The following UXS1 variants were observed in gnomAD, a reference collection of about 807,000 sequenced individuals.
UXS1 encodes UDP-glucuronate decarboxylase 1.
A neutral mutation model predicts 62.6 loss-of-function variants in UXS1; 33 were observed. The ratio of observed to expected loss-of-function variants is 0.53; its 90% CI spans 0.40 to 0.70. The LOEUF (loss-of-function observed/expected upper bound fraction) is 0.70. Ranked by LOEUF, UXS1 falls within the 30% of genes least tolerant of loss-of-function variation. UXS1 has a pLI of 0.00. For missense variants in UXS1, 434 were observed against 556.3 expected (o/e 0.78, Z 2.21); for synonymous variants, 213 against 206.8 (o/e 1.03, Z -0.26).
At chr2:106,112,194 G>C (rs1678676537) in intron 10 of UXS1, among the ~76,000 whole-genome samples, 1 of 152,220 alleles carries the variant, frequency 6.6e-6, no homozygotes, top group Non-Finnish European at 1.5e-5. Flanking sequence ...CCTGGGTTGA[G>C]GGTGGCCAGT....
chr2:106,130,880 A>G (rs1457161420), intron 6 of UXS1, among the ~76,000 whole-genome samples: 1 of 152,022 alleles, frequency 6.6e-6, no homozygotes. Flanking sequence ...TAACATTTGA[A>G]AGCCAAGTCT....
In UXS1 at chr2:106,117,067, G is replaced by A. The variant is rs114348515; in HGVS notation, c.760-4302C>T. Among the ~76,000 whole-genome samples, 159 of 152,316 alleles carry A rather than the reference G, an allele frequency of 1.0e-3. 1 individual carries two copies. The highest frequency in any genetic ancestry group is 3.5e-3 in the African/African-American group (145 of 41,546). On this transcript the variant is annotated intron_variant, in intron 9 of 14. Coordinates refer to ENST00000283148, the MANE Select transcript of UXS1 (RefSeq NM_001253875.2). The stretch of plus-strand genomic sequence containing the variant: ...AGCTGGCATGTTCTCCTCTCCCCAC[G>A]TCTGTGTGGGTTTTCTCCAGGTATT...
intron 1 of UXS1, among the ~76,000 whole-genome samples, chr2:106,183,007 A>G (rs1284638068): frequency 6.6e-6 from 1 of 152,082 alleles, no homozygotes; most frequent in African/African-American, 2.4e-5. Context: ...AGCAAAAGAA[A>G]CCAAAAGAAA....
At chr2:106,145,004 A>C (rs991991166) in intron 6 of UXS1, among the ~76,000 whole-genome samples, 186 bp downstream of exon 6, 3 of 152,136 alleles carry the variant, frequency 2.0e-5, no homozygotes, top group Non-Finnish European at 4.4e-5. Flanking sequence ...GGCTATTCAC[A>C]CTGTTATAAC....
At chr2:106,108,878 G>A (rs1430919764) in intron 10 of UXS1, among the ~76,000 whole-genome samples, 1 of 152,110 alleles carries the variant, frequency 6.6e-6, no homozygotes, top group South Asian at 2.1e-4. Context: ...GCCCATTTGT[G>A]CACTTCCTTG....
intron 6 of UXS1, among the ~76,000 whole-genome samples, chr2:106,130,953 G>A (rs1028657524): frequency 9.9e-5 from 15 of 152,264 alleles, no homozygotes; most frequent in Admixed American, 4.6e-4. Flanking sequence ...CAGCGTGAGC[G>A]ACGCAGAAGA....
intron 1 of UXS1, among the ~76,000 whole-genome samples, chr2:106,167,883 C>T (rs866676334): frequency 1.3e-5 from 2 of 152,070 alleles, no homozygotes; most frequent in South Asian, 2.1e-4. Context: ...GGTCATGGGC[C>T]GGGCACTGTG....
chr2:106,172,407 C>G (rs1683621914), intron 1 of UXS1, among the ~76,000 whole-genome samples: 1 of 152,188 alleles, frequency 6.6e-6, no homozygotes, highest in Non-Finnish European at 1.5e-5. Flanking sequence ...GTAACAGAGG[C>G]CATCAGTCAC....
At chr2:106,100,892 TCTTA>T (rs887705989) in intron 12 of UXS1, 162 bp downstream of exon 12, 7 of 849,530 alleles carry the variant, frequency 8.2e-6, no homozygotes, top group South Asian at 3.4e-5. Flanking sequence ...CTTTGTATAC[TCTTA>T]CTTTGTGTTT....
rs55896853 is a variant in UXS1 at position 106,146,772 on chromosome 2, C to CAAAAA, written c.292-1407_292-1403dup. ...CTGGGTGACAGAGAAGACTCCATCT[C>CAAAAA]AAAAAAAAAAAAAAAAAAAAAAAAG... On this transcript the variant is annotated intron_variant, in intron 5 of 14. Transcript: ENST00000283148. 6.9e-3 allele frequency among the ~76,000 whole-genome samples: 309 copies of CAAAAA among 44,732 alleles called. 1 individual carries two copies. The highest frequency in any genetic ancestry group is 9.4e-3 in the Non-Finnish European group (220 of 23,484). 29.3% of individuals were successfully genotyped at this position (44,732 alleles called of 152,430 possible). A position where few individuals can be genotyped will look rare whatever the true frequency, so the allele number is the denominator to read the frequency against.
chr2:106,139,902 G>A (rs1680963403), intron 6 of UXS1, among the ~76,000 whole-genome samples: 1 of 152,174 alleles, frequency 6.6e-6, no homozygotes, highest in African/African-American at 2.4e-5. Flanking sequence ...GATACTTACA[G>A]TAGAATTCTC....
chr2:106,130,395 G>C (rs905729681), intron 6 of UXS1, among the ~76,000 whole-genome samples: 10 of 152,274 alleles, frequency 6.6e-5, no homozygotes, highest in African/African-American at 2.4e-4. Flanking sequence ...GGTAACATCT[G>C]CACATAGCAG....
At chr2:106,095,916 C>T (rs949693116) in intron 14 of UXS1, among the ~76,000 whole-genome samples, 9 of 152,320 alleles carry the variant, frequency 5.9e-5, no homozygotes, top group East Asian at 5.8e-4. Context: ...CAGAAGCAGG[C>T]GGGGTTCAGG....
chr2:106,107,540 C>T (rs1469081854), intron 10 of UXS1, among the ~76,000 whole-genome samples: 1 of 152,180 alleles, frequency 6.6e-6, no homozygotes, highest in Non-Finnish European at 1.5e-5. Context: ...AACTAGGCTG[C>T]CAGGGTCAGG....
At chr2:106,144,191 A>G (rs1476298944) in intron 6 of UXS1, among the ~76,000 whole-genome samples, 3 of 152,236 alleles carry the variant, frequency 2.0e-5, no homozygotes, top group African/African-American at 7.2e-5. Flanking sequence ...CCACTGAGCT[A>G]TAATCTACAT....
At chr2:106,099,676 G>A (rs1677424440) in intron 12 of UXS1, among the ~76,000 whole-genome samples, 1 of 152,172 alleles carries the variant, frequency 6.6e-6, no homozygotes, top group Non-Finnish European at 1.5e-5. Context: ...GAAGAGCCTG[G>A]CTGCCCAGGG....
intron 1 of UXS1, among the ~76,000 whole-genome samples, chr2:106,177,080 T>C (rs1683928642): frequency 6.6e-6 from 1 of 152,210 alleles, no homozygotes; most frequent in Admixed American, 6.5e-5. Flanking sequence ...CTGCACCTTT[T>C]ACAACTTTTT....
intron 4 of UXS1, among the ~76,000 whole-genome samples, chr2:106,162,122 C>CG (rs1419890600): frequency 2.0e-5 from 3 of 152,106 alleles, no homozygotes; most frequent in Non-Finnish European, 4.4e-5. Context: ...TGCAGGCACG[C>CG]GGATCACCTG....
At chr2:106,173,009 C>A (rs1189900691) in intron 1 of UXS1, among the ~76,000 whole-genome samples, 3 of 152,194 alleles carry the variant, frequency 2.0e-5, no homozygotes, top group Non-Finnish European at 4.4e-5. Context: ...GAGCACCCAC[C>A]CCCCAACAGC....
Sources: allele counts gnomAD v4.1 joint callset (sites outside exome capture counted in the v4.1 genomes callset), GRCh38; gene constraint gnomAD v4.1.1; transcripts MANE v1.5; gene names NCBI Gene and HGNC (gene_info 2026-07-23, HGNC 2026-07-21).